The following CNTNAP5 variants were observed in gnomAD, a reference collection of about 807,000 sequenced individuals.
CNTNAP5 encodes the protein contactin associated protein family member 5, also known as contactin-associated protein-like 5.
In CNTNAP5, 72 loss-of-function variants were observed where a neutral mutation model predicts 150.2. The ratio of observed to expected loss-of-function variants is 0.48; its 90% CI spans 0.40 to 0.58. The LOEUF is 0.58. Ranked by LOEUF, CNTNAP5 falls within the 20% of genes least tolerant of loss-of-function variation. The pLI, the probability that CNTNAP5 is intolerant of heterozygous loss-of-function variation, is 0.00. For synonymous variants in CNTNAP5, 672 were observed against 619.8 expected (o/e 1.08, Z -1.25); for missense variants, 1,636 against 1,626.2 (o/e 1.01, Z -0.10).
intron 11 of CNTNAP5, among the ~76,000 whole-genome samples, chr2:124,591,753 ATTACT>A (rs1235934171): frequency 3.3e-5 from 5 of 152,290 alleles, no homozygotes; most frequent in Admixed American, 3.3e-4. Flanking sequence ...TGCAGAAAAG[ATTACT>A]TTATAATTAC....
At chr2:124,780,426 A>T (rs1391339702) in intron 17 of CNTNAP5, among the ~76,000 whole-genome samples, 1 of 152,184 alleles carries the variant, frequency 6.6e-6, no homozygotes, top group Non-Finnish European at 1.5e-5. Context: ...AAATCAACAG[A>T]AATGTCTCCA....
intron 1 of CNTNAP5, among the ~76,000 whole-genome samples, chr2:124,112,770 T>C (rs975770584): frequency 6.6e-6 from 1 of 152,152 alleles, no homozygotes; most frequent in Non-Finnish European, 1.5e-5. Context: ...ATTTATTACC[T>C]CTGCAGCAAG....
chr2:124,554,212 T>C (rs1695699308), intron 10 of CNTNAP5, among the ~76,000 whole-genome samples: 1 of 152,146 alleles, frequency 6.6e-6, no homozygotes, highest in Admixed American at 6.5e-5. Context: ...GTTATTTAAG[T>C]ACCTTCAAAT....
intron 11 of CNTNAP5, among the ~76,000 whole-genome samples, chr2:124,607,571 G>A (rs1420129734): frequency 6.6e-6 from 1 of 152,238 alleles, no homozygotes; most frequent in Non-Finnish European, 1.5e-5. Flanking sequence ...ATCCCAGGAA[G>A]TATCTGTCCA....
intron 6 of CNTNAP5, among the ~76,000 whole-genome samples, chr2:124,472,661 A>T (rs1693543705): frequency 6.6e-6 from 1 of 151,804 alleles, no homozygotes. Context: ...TGAATATTGA[A>T]ATAATCAAGT....
chr2:124,697,905 A>G (rs1208107669), intron 13 of CNTNAP5, among the ~76,000 whole-genome samples: 1 of 152,130 alleles, frequency 6.6e-6, no homozygotes, highest in Non-Finnish European at 1.5e-5. Flanking sequence ...CTCATTTTGT[A>G]TAAGAAAACC....
At chr2:124,660,307 G>C (rs1433776360) in intron 13 of CNTNAP5, among the ~76,000 whole-genome samples, 1 of 152,128 alleles carries the variant, frequency 6.6e-6, no homozygotes, top group African/African-American at 2.4e-5. Flanking sequence ...AAAAAGCATG[G>C]AGGTGATGCG....
At position 124,162,432 on chromosome 2, in the gene CNTNAP5, G is replaced by A. The variant is rs903187372; in HGVS notation, c.83-59273G>A. ...AGTTACTCATGTGATGCCACACCAA[G>A]TAAAGGTGGCAGAGCTGGACTTTAC... On this transcript the variant is annotated intron_variant, in intron 1 of 23. Coordinates refer to ENST00000682447, the MANE Select transcript of CNTNAP5 (RefSeq NM_001367498.1). 5.3e-5 allele frequency among the ~76,000 whole-genome samples: 8 copies of A among 152,154 alleles called. No individual in the cohort carries two copies. In the South Asian group the frequency reaches 1.7e-3, roughly 32 times the overall value.
At chr2:124,389,441 G>A (rs919635505) in intron 3 of CNTNAP5, among the ~76,000 whole-genome samples, 2 of 152,140 alleles carry the variant, frequency 1.3e-5, no homozygotes, top group Admixed American at 1.3e-4. Context: ...CATAGGTTTT[G>A]TCCCTTGCCT....
intron 14 of CNTNAP5, among the ~76,000 whole-genome samples, chr2:124,757,739 G>A (rs1294074916): frequency 6.6e-6 from 1 of 152,114 alleles, no homozygotes; most frequent in African/African-American, 2.4e-5. Flanking sequence ...GCCAGGGAAG[G>A]CATCCACGGA....
At chr2:124,636,812 C>T (rs1558714496) in intron 12 of CNTNAP5, among the ~76,000 whole-genome samples, 1 of 151,940 alleles carries the variant, frequency 6.6e-6, no homozygotes, top group African/African-American at 2.4e-5. Context: ...TCCAAACCTA[C>T]AGAAAAGTTG....
intron 7 of CNTNAP5, among the ~76,000 whole-genome samples, chr2:124,478,986 A>G (rs1045225080): frequency 2.0e-5 from 3 of 151,972 alleles, no homozygotes; most frequent in African/African-American, 7.3e-5. Flanking sequence ...GGACCTTCCC[A>G]CTCCCTGGAG....
chr2:124,149,403 CAA>C (rs71394025), intron 1 of CNTNAP5, among the ~76,000 whole-genome samples: 10,371 of 82,410 alleles, frequency 0.13, 252 homozygotes, highest in South Asian at 0.23. Flanking sequence ...GCGTCAATTG[CAA>C]AAAAAAAAAA....
chr2:124,875,447 A>G (rs572891482), intron 21 of CNTNAP5, among the ~76,000 whole-genome samples: 39 of 152,076 alleles, frequency 2.6e-4, no homozygotes, highest in Admixed American at 2.3e-3. Flanking sequence ...AGACAAATTG[A>G]CCCATGTTTG....
intron 7 of CNTNAP5, among the ~76,000 whole-genome samples, chr2:124,493,460 C>T (rs974353877): frequency 1.3e-5 from 2 of 151,976 alleles, no homozygotes; most frequent in African/African-American, 2.4e-5. Context: ...CCTGCCTCAG[C>T]CTCCCTAGTA....
chr2:124,764,573 G>C (rs1363080230), intron 16 of CNTNAP5, among the ~76,000 whole-genome samples: 1 of 152,034 alleles, frequency 6.6e-6, no homozygotes, highest in East Asian at 1.9e-4. Flanking sequence ...CCCACACTAG[G>C]AGCGTGTGAC....
Position 124,365,788 on chromosome 2 carries a change from G to A in CNTNAP5, c.382-51655G>A, listed in dbSNP as rs550231061. ...CACATGAAAGATCTAAAAGACACCC[G>A]TTTCATAACAGTATGTTAATAAGTG... On this transcript the variant is annotated intron_variant, in intron 3 of 23. Coordinates refer to ENST00000682447, the MANE Select transcript of CNTNAP5 (RefSeq NM_001367498.1). 2.7e-4 allele frequency among the ~76,000 whole-genome samples: 41 copies of A among 152,174 alleles called. 1 individual carries two copies. The highest frequency in any genetic ancestry group is 2.3e-3 in the South Asian group (11 of 4,820).
At chr2:124,365,324 G>GA (rs779922592) in intron 3 of CNTNAP5, among the ~76,000 whole-genome samples, 11,568 of 123,290 alleles carry the variant, frequency 0.094, 547 homozygotes, top group Non-Finnish European at 0.13. Flanking sequence ...CCAAAAAAAG[G>GA]AAAAAAAAAA....
chr2:124,699,805 T>TTTCTCTTTCTTTCTTTCTTTCC (rs1410609434), intron 13 of CNTNAP5, among the ~76,000 whole-genome samples: 9 of 152,104 alleles, frequency 5.9e-5, no homozygotes, highest in Non-Finnish European at 1.0e-4. Context: ...TCTTTCTTTC[T>TTTCTCTTTCTTTCTTTCTTTCC]TTCTCTTTCT....
Sources: gnomAD v4.1 joint callset for allele counts (sites outside exome capture counted in the v4.1 genomes callset) on GRCh38, gnomAD v4.1.1 for gene constraint, MANE v1.5 for transcripts, NCBI Gene and HGNC (gene_info 2026-07-23, HGNC 2026-07-21) for gene names.